Variants in NHS observed in about 807,000 individuals in gnomAD.
The protein encoded by NHS is NHS actin remodeling regulator.
NHS carries 5 observed loss-of-function variants against 72.5 expected under a neutral mutation model. That is an observed-to-expected ratio of 0.07 (90% CI 0.04 to 0.14). The LOEUF is 0.14. Among genes scored for constraint, NHS ranks in the 10% least tolerant of loss-of-function variants. NHS has a pLI of 1.00. For missense variants in NHS, 1,072 were observed against 1,355.7 expected (o/e 0.79, Z 3.29); for synonymous variants, 464 against 547.7 (o/e 0.85, Z 2.13).
At chrX:17,627,079 A>T (rs182989400) in intron 1 of NHS, among the ~76,000 whole-genome samples, 59 of 112,367 alleles carry the variant, frequency 5.3e-4, no homozygotes, top group African/African-American at 1.7e-3. Context: ...CCCTTCCCCA[A>T]GTTGATTGCT....
chrX:17,430,259 T>TTTTCTTTCTTTCTTTC (rs56175001), intron 1 of NHS, among the ~76,000 whole-genome samples: 129 of 51,565 alleles, frequency 2.5e-3, no homozygotes, highest in Admixed American at 4.4e-3. Flanking sequence ...CCCTCTTTCT[T>TTTTCTTTCTTTCTTTC]TTTCTTTCTT....
At chrX:17,703,138 G>T (rs1333017724) in intron 3 of NHS, among the ~76,000 whole-genome samples, 1 of 110,462 alleles carries the variant, frequency 9.1e-6, no homozygotes, top group African/African-American at 3.3e-5. Flanking sequence ...AGAAAGGAAA[G>T]AAAAGAAAAA....
In NHS at chrX:17,712,278, TATATATATATATAC is replaced by T. The variant is rs1449931244; in HGVS notation, c.853-7064_853-7051del. Among the ~76,000 whole-genome samples the T allele has an allele frequency of 7.2e-4, 59 of 81,440 alleles. 1 individual carries two copies. Among genetic ancestry groups the T allele is most frequent in the African/African-American group, 2.3e-3 (53 of 22,802 alleles). The allele number at this position is 81,440 out of a possible 115,157, so 70.7% of individuals were successfully genotyped here. A position where few individuals can be genotyped will look rare whatever the true frequency, so the allele number is the denominator to read the frequency against. On this transcript the variant is annotated intron_variant, in intron 3 of 8. Coordinates refer to ENST00000676302, the MANE Select transcript of NHS (RefSeq NM_001291867.2). ...GTATATATATATATATATATATATA[TATATATATATATAC>T]ACACACACACACACACACATATATA...
intron 1 of NHS, among the ~76,000 whole-genome samples, chrX:17,525,859 A>G (rs1019785994): frequency 1.8e-5 from 2 of 111,132 alleles, no homozygotes; most frequent in Non-Finnish European, 3.8e-5. Flanking sequence ...TACAGTTGCC[A>G]TTAAGGTTAA....
At chrX:17,530,292 G>A (rs1158415062) in intron 1 of NHS, among the ~76,000 whole-genome samples, 1 of 111,480 alleles carries the variant, frequency 9.0e-6, no homozygotes, top group Admixed American at 9.5e-5. Flanking sequence ...CAGCCCTGCC[G>A]AGAGAGACGC....
chrX:17,601,951 A>G (rs1483617511), intron 1 of NHS, among the ~76,000 whole-genome samples: 3 of 111,899 alleles, frequency 2.7e-5, no homozygotes, highest in Non-Finnish European at 5.6e-5. Context: ...GTTCCCAACT[A>G]TTGTTATTTA....
At chrX:17,701,651 G>A (rs1194398790) in intron 3 of NHS, among the ~76,000 whole-genome samples, 1 of 111,443 alleles carries the variant, frequency 9.0e-6, no homozygotes, top group Non-Finnish European at 1.9e-5. Flanking sequence ...ACCTGAAACC[G>A]GAGGGAAGGT....
At chrX:17,538,420 A>G (rs1480958598) in intron 1 of NHS, among the ~76,000 whole-genome samples, 1 of 111,739 alleles carries the variant, frequency 8.9e-6, no homozygotes, top group Admixed American at 9.5e-5. Flanking sequence ...TGCACTAAAG[A>G]GTAGGCTCCC....
chrX:17,642,242 G>A (rs982754240), intron 1 of NHS, among the ~76,000 whole-genome samples: 2 of 112,205 alleles, frequency 1.8e-5, no homozygotes, highest in African/African-American at 3.2e-5. Flanking sequence ...CGCCACGCTC[G>A]ACCTAGGGTA....
chrX:17,559,697 C>A (rs1031574943), intron 1 of NHS, among the ~76,000 whole-genome samples: 9 of 111,629 alleles, frequency 8.1e-5, no homozygotes, highest in Non-Finnish European at 1.1e-4. Context: ...TCTGCTGGCT[C>A]CCTGGGCAGT....
intron 1 of NHS, among the ~76,000 whole-genome samples, chrX:17,503,972 C>A (rs780065074): frequency 9.0e-6 from 1 of 111,462 alleles, no homozygotes; most frequent in Non-Finnish European, 1.9e-5. Context: ...AAGGGTTCCC[C>A]AGACAGGAAG....
intron 1 of NHS, among the ~76,000 whole-genome samples, chrX:17,617,100 C>T (rs1003127049): frequency 1.8e-5 from 2 of 112,125 alleles, no homozygotes; most frequent in African/African-American, 3.2e-5. Context: ...CCGGGACTGT[C>T]GTGAAAGTAA....
intron 1 of NHS, among the ~76,000 whole-genome samples, chrX:17,562,337 G>C (rs1227685903): frequency 8.9e-6 from 1 of 112,265 alleles, no homozygotes; most frequent in Non-Finnish European, 1.9e-5. Context: ...TCCCACCTGA[G>C]GGGTGAGGCA....
intron 1 of NHS, among the ~76,000 whole-genome samples, chrX:17,379,677 A>C (rs2064366209): frequency 1.8e-5 from 2 of 111,912 alleles, no homozygotes; most frequent in South Asian, 7.5e-4. Flanking sequence ...TGGGAGGCTG[A>C]GGCAGGAGAA....
At chrX:17,505,856 T>C (rs1371091554) in intron 1 of NHS, among the ~76,000 whole-genome samples, 1 of 111,201 alleles carries the variant, frequency 9.0e-6, no homozygotes, top group Non-Finnish European at 1.9e-5. Flanking sequence ...TATGCATGTG[T>C]GTGCTTCTGT....
intron 3 of NHS, among the ~76,000 whole-genome samples, chrX:17,696,420 T>A (rs1430156263): frequency 8.9e-6 from 1 of 111,955 alleles, no homozygotes; most frequent in African/African-American, 3.2e-5. Flanking sequence ...TTCTGGGTAA[T>A]TTTTCTACCT....
At chrX:17,427,860 A>G (rs7057825) in intron 1 of NHS, among the ~76,000 whole-genome samples, 192 of 112,393 alleles carry the variant, frequency 1.7e-3, no homozygotes, top group African/African-American at 5.0e-3. Context: ...CGTAAGTTGA[A>G]TTCATCACAA....
chrX:17,500,539 C>T (rs1013543733), intron 1 of NHS, among the ~76,000 whole-genome samples: 9 of 111,737 alleles, frequency 8.1e-5, no homozygotes, highest in African/African-American at 1.3e-4. Flanking sequence ...TGTCTGGCCA[C>T]GTTTCCTCCT....
In NHS at chrX:17,676,010, G is replaced by A. The variant is rs752069626; in HGVS notation, c.566-11732G>A. Among the ~76,000 whole-genome samples the A allele has an allele frequency of 2.0e-3, 223 of 111,599 alleles. 1 individual carries two copies. The highest frequency in any genetic ancestry group is 0.014 in the Middle Eastern group (3 of 217). ...TATGCTCTCTAAGTAGATTTTAAGA[G>A]ACTAACCTCCACCTAGGAGAAGGGA... On this transcript the variant is annotated intron_variant, in intron 1 of 8. Transcript: ENST00000676302.
Sources: allele counts gnomAD v4.1 joint callset (sites outside exome capture counted in the v4.1 genomes callset), GRCh38; gene constraint gnomAD v4.1.1; transcripts MANE v1.5; gene names NCBI Gene and HGNC (gene_info 2026-07-23, HGNC 2026-07-21).